Variants in SANBR observed in about 807,000 individuals in gnomAD.
The protein encoded by SANBR is SANT and BTB domain regulator of CSR.
Under a neutral mutation model 101.8 loss-of-function variants are expected in SANBR, and 77 were observed. The observed-to-expected ratio is 0.76, with a 90% CI of 0.63 to 0.91. The LOEUF (loss-of-function observed/expected upper bound fraction) is 0.91. SANBR is among the 40% of genes least tolerant of loss of function. The pLI, the probability that SANBR is intolerant of heterozygous loss-of-function variation, is 0.00. For missense variants in SANBR, 875 were observed against 853.0 expected (o/e 1.03, Z -0.32); for synonymous variants, 279 against 274.7 (o/e 1.02, Z -0.15).
At chr2:61,128,745 C>T (rs1027904947), downstream of SANBR, among the ~76,000 whole-genome samples, 33 of 152,138 alleles carry the variant, frequency 2.2e-4, no homozygotes, top group South Asian at 2.1e-4. Context: ...CCGTCTGCCT[C>T]GGCCCCCCAG....
chr2:61,091,581 T>G (rs1573619614), intron 10 of SANBR, among the ~76,000 whole-genome samples: 4 of 119,132 alleles, frequency 3.4e-5, no homozygotes, highest in African/African-American at 9.9e-5. Context: ...GGCGAAAGAG[T>G]GAAACTCCGT....
Position 61,088,194 on chromosome 2 carries a change from A to C in SANBR, c.926A>C (p.Asp309Ala), listed in dbSNP as rs1682546136. The C allele has an allele frequency of 1.2e-6, 2 of 1,607,974 alleles. No individual in the cohort carries two copies. The highest frequency in any genetic ancestry group is 1.7e-6 in the Non-Finnish European group (2 of 1,178,216). ...LFCKKIERLF[D>A]PEYLNPDSRS... ...TGTAAGAAGATTGAAAGACTGTTTGATCCTGAGTACTTGAATCCAGATTCT... is the reference window on the plus strand; with the variant it reads ...TGTAAGAAGATTGAAAGACTGTTTGCTCCTGAGTACTTGAATCCAGATTCT... The change falls in exon 9 of 22, where the codon GAT (aspartate) becomes GCT (alanine). Residue 309 changes from aspartate to alanine, a missense_variant. Physicochemically the swap from Asp to Ala is moderately radical, Grantham distance 126 (BLOSUM62 -2). Transcript: ENST00000402291.
intron 10 of SANBR, among the ~76,000 whole-genome samples, chr2:61,091,666 C>T (rs1478670865): frequency 3.3e-5 from 5 of 151,416 alleles, no homozygotes; most frequent in South Asian, 2.1e-4. Flanking sequence ...GAGGCTGAGG[C>T]GAGAGGATTA....
Position 61,122,306 on chromosome 2 carries a change from G to C in SANBR, c.*144G>C. 1 of 1,283,750 alleles carries C rather than the reference G, an allele frequency of 7.8e-7. No homozygotes were observed. Among genetic ancestry groups the C allele is most frequent in the Non-Finnish European group, 1.0e-6 (1 of 986,280 alleles). 79.5% of individuals were successfully genotyped at this position (1,283,750 alleles called of 1,614,324 possible). A position where few individuals can be genotyped will look rare whatever the true frequency, so the allele number is the denominator to read the frequency against. On this transcript the variant is annotated 3_prime_UTR_variant, in exon 22 of 22. Transcript: ENST00000402291. ...ATCCACATAAATCATAATTCTAAAAGAAATGCATAGTTAGGTTTTATGAAA... is the reference window on the plus strand; with the variant it reads ...ATCCACATAAATCATAATTCTAAAACAAATGCATAGTTAGGTTTTATGAAA...
chr2:61,137,797 T>C (rs1233825095), exon 22 of SANBR: 1 of 152,172 alleles, frequency 6.6e-6, no homozygotes, highest in African/African-American at 2.4e-5. Context: ...TTCTCTGAAT[T>C]TGATGCTTAT....
At chr2:61,095,662 G>T (rs149806256) in intron 11 of SANBR, among the ~76,000 whole-genome samples, 1 of 151,782 alleles carries the variant, frequency 6.6e-6, no homozygotes, top group Non-Finnish European at 1.5e-5. Context: ...TCTCCTCCCC[G>T]ACAGGACCCT....
chr2:61,126,237 ATTC>A (rs1684509314), downstream of SANBR, among the ~76,000 whole-genome samples: 1 of 152,132 alleles, frequency 6.6e-6, no homozygotes, highest in African/African-American at 2.4e-5. Flanking sequence ...AGTATTCCTT[ATTC>A]TTCTCTTTTC....
In SANBR at chr2:61,122,556, A is replaced by C. The variant is rs1427324429; in HGVS notation, c.*394A>C. On this transcript the variant is annotated 3_prime_UTR_variant, in exon 22 of 22. Transcript: ENST00000402291. ...TGTTACCATGCATGGCACTGATTGT[A>C]GTATGTCTTTGGAGCTGTAAATCTT... The C allele has an allele frequency of 9.1e-6, 9 of 993,798 alleles. No homozygotes were observed. In the East Asian group the frequency reaches 9.5e-4, roughly 105 times the overall value. The allele number at this position is 993,798 out of a possible 1,614,324, so 61.6% of individuals were successfully genotyped here. A position where few individuals can be genotyped will look rare whatever the true frequency, so the allele number is the denominator to read the frequency against.
chr2:61,111,958 G>T (rs924486632), intron 16 of SANBR, among the ~76,000 whole-genome samples: 1 of 152,102 alleles, frequency 6.6e-6, no homozygotes, highest in African/African-American at 2.4e-5. Context: ...AATTTCATGG[G>T]CATATGGGTG....
intron 6 of SANBR, among the ~76,000 whole-genome samples, chr2:61,079,866 C>T (rs1682002455): frequency 6.6e-6 from 1 of 151,478 alleles, no homozygotes; most frequent in Non-Finnish European, 1.5e-5. Context: ...CGCCACTGCA[C>T]TCCAGCCTGG....
At chr2:61,078,642 G>A (rs950327339) in intron 6 of SANBR, among the ~76,000 whole-genome samples, 4 of 151,840 alleles carry the variant, frequency 2.6e-5, no homozygotes, top group Admixed American at 1.3e-4. Flanking sequence ...GGCTGGTCTC[G>A]AACTCCTGAC....
At chr2:61,120,483 C>T (rs1018059228) in intron 20 of SANBR, among the ~76,000 whole-genome samples, 3 of 152,082 alleles carry the variant, frequency 2.0e-5, no homozygotes, top group Admixed American at 6.5e-5. Flanking sequence ...CTGGGCAACA[C>T]AGAGCGATAC....
intron 12 of SANBR, among the ~76,000 whole-genome samples, chr2:61,103,574 G>A (rs1211117214): frequency 6.6e-6 from 1 of 152,204 alleles, no homozygotes; most frequent in Non-Finnish European, 1.5e-5. Context: ...TGGGAGGAGG[G>A]AAACCGTTAT....
chr2:61,126,688 G>C (rs971032776), downstream of SANBR, among the ~76,000 whole-genome samples: 1 of 149,952 alleles, frequency 6.7e-6, no homozygotes, highest in African/African-American at 2.5e-5. Flanking sequence ...TGCAATCCCA[G>C]CTACTTGGGA....
intron 20 of SANBR, among the ~76,000 whole-genome samples, 186 bp from the exon 21 acceptor site, chr2:61,120,999 A>G (rs1684308879): frequency 6.6e-6 from 1 of 152,180 alleles, no homozygotes; most frequent in Admixed American, 6.5e-5. Context: ...AACTGTATGC[A>G]TTTGTCAAAA....
chr2:61,083,514 A>G (rs1444112580), intron 8 of SANBR, among the ~76,000 whole-genome samples, 200 bp downstream of exon 8: 1 of 151,060 alleles, frequency 6.6e-6, no homozygotes, highest in African/African-American at 2.4e-5. Flanking sequence ...CTCCCACCTC[A>G]GCCTCCCAAG....
chr2:61,077,568 C>G lies in SANBR; in HGVS notation c.670+410C>G, dbSNP rs192765441. Reference sequence around the variant, plus strand: ...GGGGCACCAAACTGTACTAGCAGTACATAGTTACATAGTTAATAAGAAAAA... The same window carrying G: ...GGGGCACCAAACTGTACTAGCAGTAGATAGTTACATAGTTAATAAGAAAAA... On this transcript the variant is annotated intron_variant, in intron 6 of 21. Coordinates refer to ENST00000402291, the MANE Select transcript of SANBR (RefSeq NM_001129993.3). Among the ~76,000 whole-genome samples, 663 of 148,346 alleles carry G rather than the reference C, an allele frequency of 4.5e-3. 1 individual carries two copies. Among genetic ancestry groups the G allele is most frequent in the African/African-American group, 0.016 (647 of 40,246 alleles).
At chr2:61,076,836 C>T (rs201723881) in intron 5 of SANBR, 84 bp from the exon 6 acceptor site, 16 of 936,746 alleles carry the variant, frequency 1.7e-5, no homozygotes, top group Admixed American at 2.3e-5. Context: ...ACATCTTGTT[C>T]TCTTCCCTTC....
Position 61,076,963 on chromosome 2 carries a change from A to G in SANBR, c.475A>G (p.Lys159Glu). 6.2e-7 allele frequency: 1 copy of G among 1,614,136 alleles called. No individual in the cohort carries two copies. The highest frequency in any genetic ancestry group is 8.5e-7 in the Non-Finnish European group (1 of 1,180,012). ...IHVCDEAKNL[K>E]EDFTCPRDLL... The stretch of plus-strand genomic sequence containing the variant: ...TGTGTGTGATGAAGCAAAAAACTTG[A>G]AAGAAGATTTTACTTGCCCGCGAGA... Residue 159 changes from lysine (K) to glutamate (E), a missense_variant, in exon 6 of 22, where the codon AAA becomes GAA. Coordinates refer to ENST00000402291, the MANE Select transcript of SANBR (RefSeq NM_001129993.3).
Sources: allele counts gnomAD v4.1 joint callset (sites outside exome capture counted in the v4.1 genomes callset), GRCh38; gene constraint gnomAD v4.1.1; transcripts MANE v1.5; gene names NCBI Gene and HGNC (gene_info 2026-07-23, HGNC 2026-07-21).